The following RFX4 variants were observed in gnomAD, a reference collection of about 807,000 sequenced individuals.
RFX4 encodes transcription factor RFX4.
In RFX4, 10 loss-of-function variants were observed where a neutral mutation model predicts 95.0. The observed-to-expected ratio is 0.11, with a 90% CI of 0.06 to 0.18. The LOEUF is 0.18. Among genes scored for constraint, RFX4 ranks in the 10% least tolerant of loss-of-function variants. The pLI is 1.00. For missense variants in RFX4, 640 were observed against 922.0 expected (o/e 0.69, Z 3.96); for synonymous variants, 321 against 340.7 (o/e 0.94, Z 0.64).
intron 11 of RFX4, among the ~76,000 whole-genome samples, chr12:106,717,813 CA>C (rs1189871670): frequency 5.3e-5 from 8 of 152,352 alleles, no homozygotes; most frequent in Admixed American, 5.2e-4. Flanking sequence ...CAGTCCAGCA[CA>C]TGTGCGTCAA....
chr12:106,608,794 T>A lies in RFX4; in HGVS notation c.44-3T>A, dbSNP rs1367009627. On this transcript the variant is annotated splice_region_variant and splice_polypyrimidine_tract_variant and intron_variant, in intron 1 of 17. Coordinates refer to ENST00000392842, the MANE Select transcript of RFX4 (RefSeq NM_213594.3). ...TTTCTTTCTTTCTTTTTTTTTTTTTTAGAGAGCTGGATTGAAAGATGTCTC... is the reference window on the plus strand; with the variant it reads ...TTTCTTTCTTTCTTTTTTTTTTTTTAAGAGAGCTGGATTGAAAGATGTCTC... 5.1e-6 allele frequency: 8 copies of A among 1,559,032 alleles called. No homozygotes were observed. Among genetic ancestry groups the A allele is most frequent in the South Asian group, 1.2e-5 (1 of 83,494 alleles).
intron 2 of RFX4, among the ~76,000 whole-genome samples, chr12:106,629,772 C>G (rs1001389078): frequency 6.6e-6 from 1 of 152,162 alleles, no homozygotes; most frequent in Non-Finnish European, 1.5e-5. Flanking sequence ...CATGCCCAGT[C>G]TTTCCAGCTA....
intron 1 of RFX4, among the ~76,000 whole-genome samples, chr12:106,592,541 C>T (rs1454463810): frequency 6.6e-6 from 1 of 152,176 alleles, no homozygotes; most frequent in African/African-American, 2.4e-5. Context: ...CGAGGCCCCT[C>T]CACAACTCCT....
chr12:106,723,723 C>A (rs528402270), intron 13 of RFX4, among the ~76,000 whole-genome samples: 12 of 152,152 alleles, frequency 7.9e-5, no homozygotes, highest in Non-Finnish European at 1.6e-4. Context: ...CTTAGATGGC[C>A]TGGCCCAGCT....
intron 8 of RFX4, among the ~76,000 whole-genome samples, chr12:106,703,369 G>GGCC (rs1395559466): frequency 1.3e-5 from 2 of 152,150 alleles, no homozygotes; most frequent in Admixed American, 1.3e-4. Flanking sequence ...AGGGGATTAT[G>GGCC]GCCACATTTT....
chr12:106,738,119 C>G (rs2042745654), intron 15 of RFX4, among the ~76,000 whole-genome samples: 1 of 152,160 alleles, frequency 6.6e-6, no homozygotes, highest in African/African-American at 2.4e-5. Flanking sequence ...CCTGAGTCTC[C>G]TTTCTCCCTA....
chr12:106,633,089 G>C (rs889221271), intron 2 of RFX4, among the ~76,000 whole-genome samples: 4 of 152,200 alleles, frequency 2.6e-5, no homozygotes, highest in Non-Finnish European at 4.4e-5. Flanking sequence ...TCAAATAGGA[G>C]GGTCAGGCCT....
chr12:106,641,977 CTATATCTATATCTATATCTATATCTA>C (rs2040638017), intron 3 of RFX4, among the ~76,000 whole-genome samples: 1 of 145,820 alleles, frequency 6.9e-6, no homozygotes, highest in East Asian at 2.1e-4. Flanking sequence ...CTATCTATAT[CTATATCTATATCTATATCTATATCTA>C]TATCTATATC....
chr12:106,715,414 G>A lies in RFX4; in HGVS notation c.1008G>A (p.Val336=), dbSNP rs1049278566. 4 of 1,614,124 alleles carry A rather than the reference G, an allele frequency of 2.5e-6. No homozygotes were observed. The highest frequency in any genetic ancestry group is 3.4e-6 in the Non-Finnish European group (4 of 1,180,008). Reference sequence around the variant, plus strand: ...TTGGATTATAGGCATCTCGAACAGTGATCCACAGTGCAGACATCACGTTCC... The same window carrying A: ...TTGGATTATAGGCATCTCGAACAGTAATCCACAGTGCAGACATCACGTTCC... The part of the protein sequence containing the change: ...LNHLCQASRT[V]IHSADITFQM... Residue 336 remains valine (V), a synonymous_variant, in exon 11 of 18, where the codon GTG becomes GTA. Coordinates refer to ENST00000392842, the MANE Select transcript of RFX4 (RefSeq NM_213594.3).
chr12:106,698,807 C>CT (rs896927960), intron 8 of RFX4, among the ~76,000 whole-genome samples: 1 of 151,390 alleles, frequency 6.6e-6, no homozygotes, highest in Admixed American at 6.6e-5. Context: ...GTTTTCTTTC[C>CT]TTTTTCTTGG....
intron 2 of RFX4, among the ~76,000 whole-genome samples, chr12:106,628,229 A>G (rs1266539203): frequency 6.6e-6 from 1 of 152,070 alleles, no homozygotes; most frequent in Admixed American, 6.5e-5. Flanking sequence ...AGAAGGACAT[A>G]CCGTTTCCTC....
chr12:106,596,481 G>T (rs1199733019), intron 1 of RFX4, among the ~76,000 whole-genome samples: 4 of 152,126 alleles, frequency 2.6e-5, no homozygotes, highest in Non-Finnish European at 4.4e-5. Context: ...CACAGGAAAA[G>T]GAAACAAAAT....
chr12:106,655,663 G>A (rs2040943394), intron 4 of RFX4, among the ~76,000 whole-genome samples: 1 of 152,208 alleles, frequency 6.6e-6, no homozygotes, highest in African/African-American at 2.4e-5. Context: ...CTTACATACA[G>A]GTTGGGGACA....
At chr12:106,668,853 T>C (rs1173815323) in intron 4 of RFX4, among the ~76,000 whole-genome samples, 1 of 152,122 alleles carries the variant, frequency 6.6e-6, no homozygotes, top group East Asian at 1.9e-4. Flanking sequence ...GGTGACATGA[T>C]TCATGGTCAG....
At chr12:106,685,042 A>G (rs2041612783) in intron 5 of RFX4, 3 of 1,383,768 alleles carry the variant, frequency 2.2e-6, no homozygotes, top group Non-Finnish European at 1.9e-6. Flanking sequence ...TTGTATCTCC[A>G]TGGGTAGAGA....
intron 4 of RFX4, among the ~76,000 whole-genome samples, chr12:106,673,438 C>T (rs777279231): frequency 1.4e-4 from 21 of 152,210 alleles, no homozygotes; most frequent in Non-Finnish European, 2.8e-4. Context: ...CCTCTCTGAT[C>T]CTGCTACGAG....
rs183657117 is a variant in RFX4, at chr12:106,732,361, A to G, written c.1471+112A>G. Reference sequence around the variant, plus strand: ...ATCTCAAAGAATTTAGTTATGGTGAACAGGTTAAGTGGTATCAAACCAATC... The same window carrying G: ...ATCTCAAAGAATTTAGTTATGGTGAGCAGGTTAAGTGGTATCAAACCAATC... On this transcript the variant is annotated intron_variant, in intron 14 of 17. Coordinates refer to ENST00000392842, the MANE Select transcript of RFX4 (RefSeq NM_213594.3). The G allele has an allele frequency of 7.0e-6, 10 of 1,433,074 alleles. No individual in the cohort carries two copies. The African/African-American group carries it at 1.4e-4, about 20-fold the overall frequency. 88.8% of individuals were successfully genotyped at this position (1,433,074 alleles called of 1,614,324 possible). A position where few individuals can be genotyped will look rare whatever the true frequency, so the allele number is the denominator to read the frequency against.
At chr12:106,646,431 CAAAAAAAAAAAAAAA>C (rs56305939) in intron 3 of RFX4, among the ~76,000 whole-genome samples, 3 of 66,246 alleles carry the variant, frequency 4.5e-5, no homozygotes, top group African/African-American at 1.1e-4. Context: ...TAGTTTTATC[CAAAAAAAAAAAAAAA>C]AAAAAAAAAA....
intron 2 of RFX4, among the ~76,000 whole-genome samples, chr12:106,620,388 A>G (rs2040158689): frequency 6.6e-6 from 1 of 152,264 alleles, no homozygotes; most frequent in East Asian, 1.9e-4. Context: ...TATCGGTAGG[A>G]CCGTGATGCC....
Sources: gnomAD v4.1 joint callset for allele counts (sites outside exome capture counted in the v4.1 genomes callset) on GRCh38, gnomAD v4.1.1 for gene constraint, MANE v1.5 for transcripts, NCBI Gene and HGNC (gene_info 2026-07-23, HGNC 2026-07-21) for gene names.